The following DACH1 variants were observed in gnomAD, a reference collection of about 807,000 sequenced individuals.
The protein encoded by DACH1 is dachshund homolog 1.
A neutral mutation model predicts 54.2 loss-of-function variants in DACH1; 12 were observed. That is an observed-to-expected ratio of 0.22 (90% confidence interval 0.14 to 0.36). The LOEUF (loss-of-function observed/expected upper bound fraction) is 0.36. Among genes scored for constraint, DACH1 ranks in the 10% least tolerant of loss-of-function variants. The probability of loss-of-function intolerance (pLI) is 1.00; values close to 1 mark genes in which losing one functional copy is unlikely to be tolerated. For missense variants in DACH1, 805 were observed against 929.8 expected (o/e 0.87, Z 1.75); for synonymous variants, 386 against 366.2 (o/e 1.05, Z -0.62).
At chr13:71,803,347 A>G (rs986303920) in intron 1 of DACH1, among the ~76,000 whole-genome samples, 2 of 152,156 alleles carry the variant, frequency 1.3e-5, no homozygotes, top group Admixed American at 6.6e-5. Context: ...TAAACTGTTC[A>G]TGTATATTTT....
chr13:71,663,849 GGCCA>G (rs1307328424), intron 2 of DACH1, among the ~76,000 whole-genome samples: 137 of 151,988 alleles, frequency 9.0e-4, no homozygotes, highest in African/African-American at 3.0e-3. Context: ...CAAATAATAT[GGCCA>G]TGTAGATTTC....
intron 4 of DACH1, among the ~76,000 whole-genome samples, chr13:71,565,872 A>G (rs1278912368): frequency 6.6e-6 from 1 of 152,142 alleles, no homozygotes; most frequent in Non-Finnish European, 1.5e-5. Flanking sequence ...TAGCCTTGTA[A>G]CTTTTTAGGT....
intron 3 of DACH1, among the ~76,000 whole-genome samples, chr13:71,609,333 C>G (rs187498698): frequency 7.8e-4 from 118 of 152,186 alleles, no homozygotes; most frequent in African/African-American, 2.5e-3. Flanking sequence ...TATAAACACA[C>G]AAACATCCGC....
intron 2 of DACH1, among the ~76,000 whole-genome samples, chr13:71,663,884 T>C (rs1879666489): frequency 6.6e-6 from 1 of 151,982 alleles, no homozygotes; most frequent in Non-Finnish European, 1.5e-5. Context: ...TATGTAAAGT[T>C]CATTAATATC....
intron 3 of DACH1, among the ~76,000 whole-genome samples, chr13:71,608,307 C>G (rs559202628): frequency 6.9e-4 from 105 of 152,072 alleles, no homozygotes; most frequent in Non-Finnish European, 9.7e-4. Flanking sequence ...AAATTCGTTT[C>G]TTCTATGAAA....
At chr13:71,758,866 G>A (rs1440014013) in intron 1 of DACH1, among the ~76,000 whole-genome samples, 1 of 151,556 alleles carries the variant, frequency 6.6e-6, no homozygotes, top group Non-Finnish European at 1.5e-5. Flanking sequence ...AAGTTATTAT[G>A]TACCTTTTAG....
intron 1 of DACH1, among the ~76,000 whole-genome samples, chr13:71,778,107 TAAATA>T (rs1886142658): frequency 2.0e-5 from 3 of 146,580 alleles, no homozygotes; most frequent in Non-Finnish European, 4.5e-5. Flanking sequence ...AATAAATAAA[TAAATA>T]AATAAATAAA....
intron 1 of DACH1, among the ~76,000 whole-genome samples, chr13:71,794,265 T>A (rs955536081): frequency 2.0e-5 from 3 of 152,102 alleles, no homozygotes; most frequent in Non-Finnish European, 2.9e-5. Flanking sequence ...TTTTCCTGTA[T>A]CAATCTCCCA....
In DACH1 at chr13:71,712,053, A is replaced by G. The variant is rs116475938; in HGVS notation, c.849-30143T>C. Among the ~76,000 whole-genome samples, 1,241 of 152,160 alleles carry G rather than the reference A, an allele frequency of 8.2e-3. 18 individuals are homozygous for G. The highest frequency in any genetic ancestry group is 0.028 in the African/African-American group (1,164 of 41,532). On this transcript the variant is annotated intron_variant, in intron 1 of 10. Transcript: ENST00000613252. ...AAGATTCATCTGTTATCTTGGTTCT[A>G]TGTAATCCCCCCTTCACTTCTCATC...
chr13:71,834,215 A>C (rs1029283291), intron 1 of DACH1, among the ~76,000 whole-genome samples: 1 of 152,026 alleles, frequency 6.6e-6, no homozygotes, highest in Non-Finnish European at 1.5e-5. Context: ...TCTTGTGCTG[A>C]AGTAATACAC....
intron 1 of DACH1, among the ~76,000 whole-genome samples, chr13:71,710,596 G>A (rs1342513815): frequency 6.6e-6 from 1 of 151,858 alleles, no homozygotes; most frequent in East Asian, 1.9e-4. Context: ...CCACACTAAG[G>A]AATTTAGATT....
intron 6 of DACH1, among the ~76,000 whole-genome samples, chr13:71,496,298 TATATATATAC>T (rs1390795981): frequency 1.5e-3 from 179 of 123,424 alleles, no homozygotes; most frequent in African/African-American, 5.0e-3. Flanking sequence ...TATATATATA[TATATATATAC>T]ACACACAAAA....
rs1380555257 is a variant in DACH1 at position 71,475,851 on chromosome 13, T to TA, written c.1871-3dup. The stretch of plus-strand genomic sequence containing the variant: ...TCTTTAGCCTCTTTTGAACTATGGC[T>TA]AAAAAAGAGTGTATGCATATTATTA... On this transcript the variant is annotated splice_polypyrimidine_tract_variant and splice_region_variant and intron_variant, in intron 8 of 10. Transcript: ENST00000613252. 2 of 1,598,514 alleles carry TA rather than the reference T, an allele frequency of 1.3e-6. No homozygotes were observed. The highest frequency in any genetic ancestry group is 8.5e-7 in the Non-Finnish European group (1 of 1,174,028).
chr13:71,651,680 C>CTGTATCTGTATATGTATATGTATA (rs1371380060), intron 2 of DACH1, among the ~76,000 whole-genome samples: 1 of 121,784 alleles, frequency 8.2e-6, no homozygotes, highest in African/African-American at 3.6e-5. Context: ...GTATCTGTAT[C>CTGTATCTGTATATGTATATGTATA]TGTATATGTA....
At chr13:71,472,962 T>C (rs1327904488) in intron 10 of DACH1, among the ~76,000 whole-genome samples, 1 of 152,220 alleles carries the variant, frequency 6.6e-6, no homozygotes, top group Non-Finnish European at 1.5e-5. Flanking sequence ...CTAATAAAGC[T>C]TATTGAATAG....
At position 71,732,009 on chromosome 13, in the gene DACH1, T is replaced by C. The variant is rs561684690; in HGVS notation, c.849-50099A>G. ...AAACTGCTAAGTACACCATTTTGAA[T>C]CCTTTCAACGAAGATCATACATTGA... On this transcript the variant is annotated intron_variant, in intron 1 of 10. Transcript: ENST00000613252. 3.3e-5 allele frequency among the ~76,000 whole-genome samples: 5 copies of C among 152,322 alleles called. No homozygotes were observed. In the South Asian group the frequency reaches 1.0e-3, roughly 32 times the overall value.
At chr13:71,725,387 T>C (rs986164116) in intron 1 of DACH1, among the ~76,000 whole-genome samples, 2 of 152,130 alleles carry the variant, frequency 1.3e-5, no homozygotes, top group Non-Finnish European at 2.9e-5. Flanking sequence ...AAAGCTGTCA[T>C]TTCATTCAAG....
intron 1 of DACH1, among the ~76,000 whole-genome samples, chr13:71,765,733 T>G (rs1462286432): frequency 1.3e-5 from 2 of 152,122 alleles, no homozygotes; most frequent in Admixed American, 1.3e-4. Context: ...TCCTAGGAAG[T>G]GAGATTTAAG....
At chr13:71,704,388 C>A in intron 1 of DACH1, 1 of 422,864 alleles carries the variant, frequency 2.4e-6, no homozygotes, top group South Asian at 2.1e-5. Flanking sequence ...CCCCAGCATG[C>A]TGTTGACATT....
Sources: gnomAD v4.1 joint callset for allele counts (sites outside exome capture counted in the v4.1 genomes callset) on GRCh38, gnomAD v4.1.1 for gene constraint, MANE v1.5 for transcripts, NCBI Gene and HGNC (gene_info 2026-07-23, HGNC 2026-07-21) for gene names.